NEBL: variants seen among roughly 807,000 people sequenced by gnomAD.
NEBL encodes the protein nebulette, also known as LIM and SH3 protein 2.
In NEBL, 122 loss-of-function variants were observed where a neutral mutation model predicts 140.2. The ratio of observed to expected loss-of-function variants is 0.87; its 90% CI spans 0.75 to 1.01. The LOEUF is 1.01. Among genes scored for constraint, NEBL ranks in the 50% least tolerant of loss-of-function variants. NEBL has a pLI of 0.00. For missense variants in NEBL, 1,365 were observed against 1,231.3 expected, an observed-to-expected ratio of 1.11 and a Z score of -1.62; for synonymous variants, 436 against 398.9, an observed-to-expected ratio of 1.09 and a Z score of -1.11.
At chr10:21,161,462 AG>A (rs1304355337) in intron 2 of NEBL, among the ~76,000 whole-genome samples, 2 of 152,184 alleles carry the variant, frequency 1.3e-5, no homozygotes, top group Non-Finnish European at 2.9e-5. Flanking sequence ...GTTCCAACAG[AG>A]GGACAATTTC....
chr10:21,066,787 C>G (rs1835567823), intron 2 of NEBL, among the ~76,000 whole-genome samples: 1 of 150,570 alleles, frequency 6.6e-6, no homozygotes, highest in Non-Finnish European at 1.5e-5. Context: ...TCTACAAAAT[C>G]ATTGTTCTCT....
At chr10:21,197,780 A>G (rs914285654) in intron 3 of NEBL, among the ~76,000 whole-genome samples, 3 of 152,204 alleles carry the variant, frequency 2.0e-5, no homozygotes, top group African/African-American at 7.2e-5. Context: ...CAGGTCCTAC[A>G]TACCAGTGAA....
chr10:21,103,377 C>G (rs879457313), intron 2 of NEBL, among the ~76,000 whole-genome samples: 4 of 152,054 alleles, frequency 2.6e-5, no homozygotes, highest in Admixed American at 2.6e-4. Flanking sequence ...CCATGCCCGG[C>G]TAATTTTTTG....
At chr10:21,062,523 A>AAAAATAT (rs1244937047) in intron 2 of NEBL, among the ~76,000 whole-genome samples, 4 of 151,802 alleles carry the variant, frequency 2.6e-5, no homozygotes, top group African/African-American at 9.7e-5. Flanking sequence ...ATAAAAAATA[A>AAAAATAT]AAATAAAAAT....
At chr10:20,879,016 T>G (rs1305828405) in intron 5 of NEBL, among the ~76,000 whole-genome samples, 1 of 152,204 alleles carries the variant, frequency 6.6e-6, no homozygotes, top group African/African-American at 2.4e-5. Flanking sequence ...TTCTAACCCG[T>G]GGCCTTTTGT....
At chr10:21,275,809 T>A (rs1308824503) in intron 1 of NEBL, among the ~76,000 whole-genome samples, 15 of 132,984 alleles carry the variant, frequency 1.1e-4, no homozygotes, top group African/African-American at 4.2e-4. Flanking sequence ...CCCAGCTAAT[T>A]TTTTTTTTTT....
At chr10:21,095,248 G>T (rs916839258) in intron 2 of NEBL, among the ~76,000 whole-genome samples, 1 of 152,132 alleles carries the variant, frequency 6.6e-6, no homozygotes, top group East Asian at 1.9e-4. Context: ...CATCCAACAG[G>T]GAGTTATCTA....
intron 4 of NEBL, among the ~76,000 whole-genome samples, chr10:20,935,310 T>C (rs1369747027): frequency 3.3e-5 from 5 of 152,218 alleles, no homozygotes; most frequent in African/African-American, 1.2e-4. Context: ...AAATTTTGAA[T>C]CTTCTCAAGA....
At chr10:21,085,635 T>C (rs1836588953) in intron 2 of NEBL, among the ~76,000 whole-genome samples, 2 of 152,106 alleles carry the variant, frequency 1.3e-5, no homozygotes, top group South Asian at 4.1e-4. Context: ...ACCTTGTCTC[T>C]AAAAATTAAA....
intron 2 of NEBL, among the ~76,000 whole-genome samples, chr10:21,142,599 A>G (rs1429097310): frequency 1.3e-5 from 2 of 152,186 alleles, no homozygotes; most frequent in African/African-American, 2.4e-5. Flanking sequence ...AAAATCATGG[A>G]AAAATGATTT....
intron 4 of NEBL, among the ~76,000 whole-genome samples, chr10:20,956,514 G>A (rs1835812430): frequency 6.6e-6 from 1 of 152,048 alleles, no homozygotes; most frequent in African/African-American, 2.4e-5. Flanking sequence ...AAAAATACTA[G>A]CCTTCAAGAG....
chr10:20,978,321 A>G (rs1836886005), intron 3 of NEBL, among the ~76,000 whole-genome samples: 1 of 152,154 alleles, frequency 6.6e-6, no homozygotes, highest in South Asian at 2.1e-4. Flanking sequence ...ATGAAGACAG[A>G]TCAATAATAT....
chr10:20,893,388 T>G (rs1847190173), intron 2 of NEBL, among the ~76,000 whole-genome samples: 1 of 152,148 alleles, frequency 6.6e-6, no homozygotes, highest in South Asian at 2.1e-4. Context: ...TATTATGTGA[T>G]TAACAGAAAA....
In NEBL at chr10:20,817,567, A is replaced by T. The variant is rs377626798; in HGVS notation, c.2148+33T>A. The T allele has an allele frequency of 5.0e-4, 739 of 1,486,842 alleles. 1 individual carries two copies. Among genetic ancestry groups the T allele is most frequent in the Non-Finnish European group, 6.6e-4 (703 of 1,064,228 alleles). 92.1% of individuals were successfully genotyped at this position (1,486,842 alleles called of 1,614,324 possible). On this transcript the variant is annotated intron_variant, in intron 21 of 27. Coordinates refer to ENST00000377122, the MANE Select transcript of NEBL (RefSeq NM_006393.3). ...TTCACACGTGGACAATGCATTTGAT[A>T]GTGTAAGAAAAAAGTTACTAAGATG...
intron 20 of NEBL, chr10:20,818,895 T>C: frequency 1.0e-6 from 1 of 980,902 alleles, no homozygotes; most frequent in Non-Finnish European, 1.2e-6. Context: ...AACTTTTCCT[T>C]TTTAAATTTT....
chr10:21,074,385 C>T (rs1244435736), intron 2 of NEBL, among the ~76,000 whole-genome samples: 1 of 152,144 alleles, frequency 6.6e-6, no homozygotes, highest in African/African-American at 2.4e-5. Flanking sequence ...AAACTAATAT[C>T]ATCCACTTCA....
chr10:21,227,722 T>TCTTC (rs1842182674), intron 3 of NEBL, among the ~76,000 whole-genome samples: 3 of 103,666 alleles, frequency 2.9e-5, no homozygotes, highest in African/African-American at 1.2e-4. Flanking sequence ...TTCTTCTTCT[T>TCTTC]CTTCTTCTTC....
chr10:20,859,059 A>G (rs1843395767), intron 8 of NEBL, among the ~76,000 whole-genome samples: 2 of 152,168 alleles, frequency 1.3e-5, no homozygotes, highest in African/African-American at 4.8e-5. Flanking sequence ...TAAGAAAGCA[A>G]CAGATCAATA....
chr10:21,286,784 A>T (rs1843061597), intron 1 of NEBL, among the ~76,000 whole-genome samples: 1 of 152,060 alleles, frequency 6.6e-6, no homozygotes, highest in African/African-American at 2.4e-5. Context: ...GGTTGCAGTG[A>T]GCCGAGATGG....
Sources: gnomAD v4.1 joint callset for allele counts (sites outside exome capture counted in the v4.1 genomes callset) on GRCh38, gnomAD v4.1.1 for gene constraint, MANE v1.5 for transcripts, NCBI Gene and HGNC (gene_info 2026-07-23, HGNC 2026-07-21) for gene names.